Variants in MARCKSL1 observed in about 807,000 individuals in gnomAD.
MARCKSL1 encodes MARCKS like 1, also known as MARCKS-related protein.
In MARCKSL1, 5 loss-of-function variants were observed where a neutral mutation model predicts 13.3. That is an observed-to-expected ratio of 0.38 (90% CI 0.20 to 0.79). The LOEUF is 0.79. Ranked by LOEUF, MARCKSL1 falls within the 30% of genes least tolerant of loss-of-function variation. The probability of loss-of-function intolerance (pLI) is 0.45; values close to 1 mark genes in which losing one functional copy is unlikely to be tolerated. For missense variants in MARCKSL1, 274 were observed against 251.6 expected, an observed-to-expected ratio of 1.09 and a Z score of -0.60; for synonymous variants, 126 against 103.2, an observed-to-expected ratio of 1.22 and a Z score of -1.34.
chr1:32,336,047 TG>T lies in MARCKSL1; in HGVS notation c.-15del, dbSNP rs772712395. On this transcript the variant is annotated 5_prime_UTR_variant, in exon 1 of 2. Transcript: ENST00000329421. ...CTGGCTGCCCATGATGGGGGTCTGC[TG>T]GGGGGCGCTTGGAGCCGCCCCGGGC... The T allele has an allele frequency of 4.5e-6, 5 of 1,112,302 alleles. No individual in the cohort carries two copies. Among genetic ancestry groups the T allele is most frequent in the East Asian group, 5.3e-5 (1 of 18,864 alleles). The allele number at this position is 1,112,302 out of a possible 1,614,324, so 68.9% of individuals were successfully genotyped here. A position where few individuals can be genotyped will look rare whatever the true frequency, so the allele number is the denominator to read the frequency against.
rs1282150399 is a variant in MARCKSL1, at chr1:32,334,079, G to A, written c.*518C>T. On this transcript the variant is annotated 3_prime_UTR_variant, in exon 2 of 2. Coordinates refer to ENST00000329421, the MANE Select transcript of MARCKSL1 (RefSeq NM_023009.7). ...AGACACAGTTGATTCACAGGCTGGA[G>A]GTTTGAACTTGAGTAAGACATTTAT... 6.5e-6 allele frequency: 1 copy of A among 152,980 alleles called. No homozygotes were observed. Among genetic ancestry groups the A allele is most frequent in the Non-Finnish European group, 1.5e-5 (1 of 68,332 alleles). The allele number at this position is 152,980 out of a possible 1,614,324, so 9.5% of individuals were successfully genotyped here. A position where few individuals can be genotyped will look rare whatever the true frequency, so the allele number is the denominator to read the frequency against.
chr1:32,335,789 C>CG lies in MARCKSL1; in HGVS notation c.87+157dup, dbSNP rs1328026225. Among the ~76,000 whole-genome samples the CG allele has an allele frequency of 4.0e-5, 6 of 150,458 alleles. No homozygotes were observed. Among genetic ancestry groups the CG allele is most frequent in the Non-Finnish European group, 7.4e-5 (5 of 67,404 alleles). Reference sequence around the variant, plus strand: ...CCCGCCCCTCCCCTCGCTTCGCCCGCGGGGGCTGCGGCGCCGAGAACAAAG... The same window carrying CG: ...CCCGCCCCTCCCCTCGCTTCGCCCGCGGGGGGCTGCGGCGCCGAGAACAAAG... On this transcript the variant is annotated intron_variant, in intron 1 of 1. Transcript: ENST00000329421. The surrounding 1 kb of genome is among the most constrained non-coding windows in gnomAD (Gnocchi z 4.1).
rs1641350298 is a variant in MARCKSL1, at chr1:32,334,544, C to T, written c.*53G>A. 2 of 1,499,594 alleles carry T rather than the reference C, an allele frequency of 1.3e-6. No individual in the cohort carries two copies. The highest frequency in any genetic ancestry group is 4.7e-5 in the East Asian group (2 of 42,532). The allele number at this position is 1,499,594 out of a possible 1,614,324, so 92.9% of individuals were successfully genotyped here. On this transcript the variant is annotated 3_prime_UTR_variant, in exon 2 of 2. Transcript: ENST00000329421. ...GCACCAGGTCCAGGCAGTGACCTCA[C>T]AAGGACAGCACAGTTTTTGCAGCTT... is the stretch of plus-strand genomic sequence containing the variant.
chr1:32,335,495 C>T lies in MARCKSL1; in HGVS notation c.88-398G>A, dbSNP rs1349743045. 6.6e-6 allele frequency among the ~76,000 whole-genome samples: 1 copy of T among 151,650 alleles called. No individual in the cohort carries two copies. The highest frequency in any genetic ancestry group is 1.5e-5 in the Non-Finnish European group (1 of 67,772). On this transcript the variant is annotated intron_variant, in intron 1 of 1. Coordinates refer to ENST00000329421, the MANE Select transcript of MARCKSL1 (RefSeq NM_023009.7). The surrounding 1 kb of genome is among the most constrained non-coding windows in gnomAD (Gnocchi z 4.1). ...CCTGGACGGCCTATTTTCCCAGCCT[C>T]CCGCTTTGTGTAAGTGGCCCCCACC... is the stretch of plus-strand genomic sequence containing the variant.
Position 32,334,953 on chromosome 1 carries a change from C to T in MARCKSL1, c.232G>A (p.Gly78Arg). Residue 78 changes from glycine to arginine, a missense_variant, in exon 2 of 2, where the codon GGG becomes AGG. Coordinates refer to ENST00000329421, the MANE Select transcript of MARCKSL1 (RefSeq NM_023009.7). ...APPSQGAEAK[G>R]EVPPKETPKK... ...GGGGTCTCCTTGGGGGGGACCTCCCCCTTGGCCTCAGCACCCTGGCTAGGG... is the reference window on the plus strand; with the variant it reads ...GGGGTCTCCTTGGGGGGGACCTCCCTCTTGGCCTCAGCACCCTGGCTAGGG... 6.2e-7 allele frequency: 1 copy of T among 1,612,718 alleles called. No individual in the cohort carries two copies. The highest frequency in any genetic ancestry group is 8.5e-7 in the Non-Finnish European group (1 of 1,179,874).
rs1641354672 is a variant in MARCKSL1, at chr1:32,334,711, C to T, written c.474G>A (p.Gly158=). ...TPESQEPQAK[G]AEASAASEEE... Reference sequence around the variant, plus strand: ...CTTCTGAGGCTGCACTAGCCTCTGCCCCCTTGGCCTGGGGTTCCTGGCTCT... The same window carrying T: ...CTTCTGAGGCTGCACTAGCCTCTGCTCCCTTGGCCTGGGGTTCCTGGCTCT... Residue 158 remains glycine (G), a synonymous_variant, in exon 2 of 2, where the codon GGG becomes GGA. Coordinates refer to ENST00000329421, the MANE Select transcript of MARCKSL1 (RefSeq NM_023009.7). 1.2e-6 allele frequency: 2 copies of T among 1,612,718 alleles called. No individual in the cohort carries two copies. Among genetic ancestry groups the T allele is most frequent in the Non-Finnish European group, 8.5e-7 (1 of 1,179,936 alleles).
Position 32,334,421 on chromosome 1 carries a change from G to T in MARCKSL1, c.*176C>A. 1.5e-6 allele frequency: 1 copy of T among 659,924 alleles called. No individual in the cohort carries two copies. Among genetic ancestry groups the T allele is most frequent in the Non-Finnish European group, 2.3e-6 (1 of 426,304 alleles). The allele number at this position is 659,924 out of a possible 1,614,324, so 40.9% of individuals were successfully genotyped here. A position where few individuals can be genotyped will look rare whatever the true frequency, so the allele number is the denominator to read the frequency against. On this transcript the variant is annotated 3_prime_UTR_variant, in exon 2 of 2. Transcript: ENST00000329421. The stretch of plus-strand genomic sequence containing the variant: ...ACTGGCCTTAAGAGGAGAACCAGAT[G>T]GCTGATGGGAGAATCCACAGGAGGG...
rs909392437 is a variant in MARCKSL1 at position 32,335,856 on chromosome 1, C to T, written c.87+91G>A. 1.2e-4 allele frequency: 84 copies of T among 686,838 alleles called. No homozygotes were observed. The highest frequency in any genetic ancestry group is 1.0e-3 in the Middle Eastern group (2 of 1,962). 42.5% of individuals were successfully genotyped at this position (686,838 alleles called of 1,614,324 possible). On this transcript the variant is annotated intron_variant, in intron 1 of 1. Transcript: ENST00000329421. The surrounding 1 kb of genome is among the most constrained non-coding windows in gnomAD (Gnocchi z 4.1). ...GGGGCGCCGCGTGTCCCGGGCCGGA[C>T]AAAGCGCGCGGCCCCGGCCCCGGCC...
In MARCKSL1 at chr1:32,335,718, G is replaced by C. The variant is rs907114738; in HGVS notation, c.87+229C>G. On this transcript the variant is annotated intron_variant, in intron 1 of 1. Transcript: ENST00000329421. This position sits in a 1 kb window ranked among gnomAD's most constrained non-coding sequence, Gnocchi z 4.1. ...CGGCCGGGGGGCAGCGCCGGGGACC[G>C]GGGCCGCGAACAAAGAAGGCGGCAG... is the stretch of plus-strand genomic sequence containing the variant. Among the ~76,000 whole-genome samples, 3 of 151,118 alleles carry C rather than the reference G, an allele frequency of 2.0e-5. No homozygotes were observed. Among genetic ancestry groups the C allele is most frequent in the African/African-American group, 2.4e-5 (1 of 41,318 alleles).
Position 32,335,777 on chromosome 1 carries a change from T to G in MARCKSL1, c.87+170A>C. Among the ~76,000 whole-genome samples, 2 of 142,854 alleles carry G rather than the reference T, an allele frequency of 1.4e-5. No homozygotes were observed. The highest frequency in any genetic ancestry group is 2.6e-4 in the South Asian group (1 of 3,920). The allele number at this position is 142,854 out of a possible 152,430, so 93.7% of individuals were successfully genotyped here. Reference sequence around the variant, plus strand: ...CGGCGCCCCCTCCCCGCCCCTCCCCTCGCTTCGCCCGCGGGGGCTGCGGCG... The same window carrying G: ...CGGCGCCCCCTCCCCGCCCCTCCCCGCGCTTCGCCCGCGGGGGCTGCGGCG... On this transcript the variant is annotated intron_variant, in intron 1 of 1. Transcript: ENST00000329421. The surrounding 1 kb of genome is among the most constrained non-coding windows in gnomAD (Gnocchi z 4.1).
chr1:32,335,656 C>T lies in MARCKSL1; in HGVS notation c.87+291G>A, dbSNP rs1641377770. ...GCCCCTGGGCGCCCCCTTGGCGTGG[C>T]CCAGCAGCGCCTTTGTTCCCCGCGC... On this transcript the variant is annotated intron_variant, in intron 1 of 1. Coordinates refer to ENST00000329421, the MANE Select transcript of MARCKSL1 (RefSeq NM_023009.7). This position sits in a 1 kb window ranked among gnomAD's most constrained non-coding sequence, Gnocchi z 4.1. 6.6e-6 allele frequency among the ~76,000 whole-genome samples: 1 copy of T among 151,606 alleles called. No homozygotes were observed. Among genetic ancestry groups the T allele is most frequent in the African/African-American group, 2.4e-5 (1 of 41,360 alleles).
rs759358850 is a variant in MARCKSL1, at chr1:32,334,822, G to C, written c.363C>G (p.Pro121=). The C allele has an allele frequency of 6.2e-7, 1 of 1,612,194 alleles. No homozygotes were observed. The highest frequency in any genetic ancestry group is 1.1e-5 in the South Asian group (1 of 91,056). The change falls in exon 2 of 2, where the codon CCC becomes CCG. Residue 121 remains proline, a synonymous_variant. Transcript: ENST00000329421. ...CCCCCTGCTCCTGCTCTTCCTCTGT[G>C]GGTGAGGAGGCAGAAGAATCACCCC... The part of the protein sequence containing the change: ...EGGGDSSASS[P]TEEEQEQGEI...
Position 32,336,047 on chromosome 1 carries a change from T to A in MARCKSL1, c.-14A>T. The A allele has an allele frequency of 9.0e-7, 1 of 1,112,320 alleles. No individual in the cohort carries two copies. Among genetic ancestry groups the A allele is most frequent in the South Asian group, 3.4e-5 (1 of 29,640 alleles). The allele number at this position is 1,112,320 out of a possible 1,614,324, so 68.9% of individuals were successfully genotyped here. A position where few individuals can be genotyped will look rare whatever the true frequency, so the allele number is the denominator to read the frequency against. On this transcript the variant is annotated 5_prime_UTR_variant, in exon 1 of 2. Coordinates refer to ENST00000329421, the MANE Select transcript of MARCKSL1 (RefSeq NM_023009.7). Reference sequence around the variant, plus strand: ...CTGGCTGCCCATGATGGGGGTCTGCTGGGGGGCGCTTGGAGCCGCCCCGGG... The same window carrying A: ...CTGGCTGCCCATGATGGGGGTCTGCAGGGGGGCGCTTGGAGCCGCCCCGGG...
At position 32,334,501 on chromosome 1, in the gene MARCKSL1, C is replaced by G. The variant is rs561791871; in HGVS notation, c.*96G>C. 7 of 1,408,010 alleles carry G rather than the reference C, an allele frequency of 5.0e-6. No homozygotes were observed. In the African/African-American group the frequency reaches 1.0e-4, roughly 20 times the overall value. The allele number at this position is 1,408,010 out of a possible 1,614,324, so 87.2% of individuals were successfully genotyped here. ...AGGCAATAGCCCCTTCCTTTCTGGGCACAGGAAGGCAGCCAGGGCACCAGG... is the reference window on the plus strand; with the variant it reads ...AGGCAATAGCCCCTTCCTTTCTGGGGACAGGAAGGCAGCCAGGGCACCAGG... On this transcript the variant is annotated 3_prime_UTR_variant, in exon 2 of 2. Transcript: ENST00000329421.
Position 32,335,625 on chromosome 1 carries a change from T to C in MARCKSL1, c.87+322A>G, listed in dbSNP as rs1376184947. On this transcript the variant is annotated intron_variant, in intron 1 of 1. Transcript: ENST00000329421. The surrounding 1 kb of genome is among the most constrained non-coding windows in gnomAD (Gnocchi z 4.1). ...AGTGCGCTCCCCGCCGGGCCCCAGC[T>C]CCGCGGCCCCTGGGCGCCCCCTTGG... Among the ~76,000 whole-genome samples the C allele has an allele frequency of 2.0e-5, 3 of 149,630 alleles. No individual in the cohort carries two copies. The highest frequency in any genetic ancestry group is 7.4e-5 in the African/African-American group (3 of 40,310).
Position 32,335,890 on chromosome 1 carries a change from T to C in MARCKSL1, c.87+57A>G. 2 of 1,096,460 alleles carry C rather than the reference T, an allele frequency of 1.8e-6. No homozygotes were observed. Among genetic ancestry groups the C allele is most frequent in the Non-Finnish European group, 2.3e-6 (2 of 855,136 alleles). 67.9% of individuals were successfully genotyped at this position (1,096,460 alleles called of 1,614,324 possible). ...CGGCCCCGGCCCCGGCCCCGGGCCC[T>C]AGAAGGGGCGAGGTGCGAGAGGAGG... On this transcript the variant is annotated intron_variant, in intron 1 of 1. Transcript: ENST00000329421. This position sits in a 1 kb window ranked among gnomAD's most constrained non-coding sequence, Gnocchi z 4.1.
Position 32,335,204 on chromosome 1 carries a change from G to GAA in MARCKSL1, c.88-109_88-108dup. On this transcript the variant is annotated intron_variant, in intron 1 of 1. Coordinates refer to ENST00000329421, the MANE Select transcript of MARCKSL1 (RefSeq NM_023009.7). This position sits in a 1 kb window ranked among gnomAD's most constrained non-coding sequence, Gnocchi z 4.1. ...CCTCGATTCGATTCTACTGCAACCC[G>GAA]AAAGTCTGGCTTCAGCCTCACCCAC... 1 of 1,231,226 alleles carries GAA rather than the reference G, an allele frequency of 8.1e-7. No homozygotes were observed. Among genetic ancestry groups the GAA allele is most frequent in the Non-Finnish European group, 1.1e-6 (1 of 944,006 alleles). 76.3% of individuals were successfully genotyped at this position (1,231,226 alleles called of 1,614,324 possible).
rs1641378387 is a variant in MARCKSL1, at chr1:32,335,685, A to G, written c.87+262T>C. ...GCAGCGCCTTTGTTCCCCGCGCGGCACTCGGGGCGGCCGGGGGGCAGCGCC... is the reference window on the plus strand; with the variant it reads ...GCAGCGCCTTTGTTCCCCGCGCGGCGCTCGGGGCGGCCGGGGGGCAGCGCC... On this transcript the variant is annotated intron_variant, in intron 1 of 1. Transcript: ENST00000329421. The surrounding 1 kb of genome is among the most constrained non-coding windows in gnomAD (Gnocchi z 4.1). Among the ~76,000 whole-genome samples, 4 of 151,064 alleles carry G rather than the reference A, an allele frequency of 2.6e-5. No homozygotes were observed. In the South Asian group the frequency reaches 6.2e-4, roughly 23 times the overall value.
Position 32,334,686 on chromosome 1 carries a change from C to T in MARCKSL1, c.499G>A (p.Glu167Lys). The T allele has an allele frequency of 1.2e-6, 2 of 1,612,238 alleles. No individual in the cohort carries two copies. The highest frequency in any genetic ancestry group is 1.7e-6 in the Non-Finnish European group (2 of 1,179,694). Residue 167 changes from glutamate to lysine, a missense_variant, in exon 2 of 2, where the codon GAA becomes AAA. Glu to Lys is a moderately conservative substitution (Grantham distance 56, BLOSUM62 1). Coordinates refer to ENST00000329421, the MANE Select transcript of MARCKSL1 (RefSeq NM_023009.7). Reference protein sequence around the residue: ...KGAEASAASEEEAGPQATEPS... With the variant: ...KGAEASAASEKEAGPQATEPS... ...TCTGTAGCCTGGGGCCCTGCCTCTTCTTCTGAGGCTGCACTAGCCTCTGCC... is the reference window on the plus strand; with the variant it reads ...TCTGTAGCCTGGGGCCCTGCCTCTTTTTCTGAGGCTGCACTAGCCTCTGCC...
Sources: allele counts gnomAD v4.1 joint callset (sites outside exome capture counted in the v4.1 genomes callset), GRCh38; gene constraint gnomAD v4.1.1; non-coding constraint Gnocchi (gnomAD v3.1); transcripts MANE v1.5; gene names NCBI Gene and HGNC (gene_info 2026-07-23, HGNC 2026-07-21).